NOL4: variants seen among roughly 807,000 people sequenced by gnomAD.
NOL4 encodes cancer/testis antigen 125.
A neutral mutation model predicts 75.9 loss-of-function variants in NOL4; 17 were observed. The observed-to-expected ratio is 0.22, with a 90% CI of 0.15 to 0.34. The LOEUF (loss-of-function observed/expected upper bound fraction) is 0.34. NOL4 is among the 10% of genes least tolerant of loss of function. The pLI is 1.00. For missense variants in NOL4, 614 were observed against 793.5 expected (o/e 0.77, Z 2.72); for synonymous variants, 292 against 289.9 (o/e 1.01, Z -0.07).
chr18:33,881,212 T>C (rs2064249197), intron 10 of NOL4, among the ~76,000 whole-genome samples: 1 of 150,696 alleles, frequency 6.6e-6, no homozygotes, highest in Non-Finnish European at 1.5e-5. Context: ...TGTACATTGA[T>C]TTTGTATCCT....
chr18:34,179,352 G>A (rs1293753954), intron 1 of NOL4, among the ~76,000 whole-genome samples: 1 of 151,130 alleles, frequency 6.6e-6, no homozygotes, highest in Non-Finnish European at 1.5e-5. Context: ...GGAAATAATA[G>A]TGATTATAGT....
At chr18:33,879,343 T>A (rs796577607) in intron 10 of NOL4, among the ~76,000 whole-genome samples, 2 of 152,122 alleles carry the variant, frequency 1.3e-5, no homozygotes, top group African/African-American at 4.8e-5. Flanking sequence ...ATAAGTACTT[T>A]TCACTACCTG....
chr18:33,930,846 T>C (rs951185670), intron 9 of NOL4, among the ~76,000 whole-genome samples: 5 of 152,058 alleles, frequency 3.3e-5, no homozygotes, highest in African/African-American at 1.2e-4. Context: ...AATAGTTGAA[T>C]GAAAAATAAA....
At chr18:33,896,180 T>A (rs767782765) in intron 9 of NOL4, among the ~76,000 whole-genome samples, 2 of 152,174 alleles carry the variant, frequency 1.3e-5, no homozygotes, top group Non-Finnish European at 2.9e-5. Context: ...AAACTTCTCA[T>A]GCTCATGAAT....
rs759045149 is a variant in NOL4 at position 34,105,125 on chromosome 18, C to T, written c.450G>A (p.Ala150=). Residue 150 remains alanine (A), a synonymous_variant, in exon 3 of 11, where the codon GCG becomes GCA. Transcript: ENST00000261592. ...SESYAFLPRE[A]VTRFLMSCSE... is the part of the protein sequence containing the mutation. ...AGCAGCTCATTAGAAATCGTGTCAC[C>T]GCTTCTCTTGGTAGGAAGGCATAGC... 2.5e-5 allele frequency: 40 copies of T among 1,611,980 alleles called. No homozygotes were observed. The highest frequency in any genetic ancestry group is 1.3e-4 in the East Asian group (6 of 44,812).
intron 5 of NOL4, among the ~76,000 whole-genome samples, chr18:34,080,687 C>T (rs1377232780): frequency 6.6e-6 from 1 of 152,040 alleles, no homozygotes; most frequent in South Asian, 2.1e-4. Context: ...CCCAGGCTGG[C>T]CACAAACATC....
At chr18:34,005,202 A>G (rs887484624) in intron 6 of NOL4, among the ~76,000 whole-genome samples, 10 of 151,976 alleles carry the variant, frequency 6.6e-5, no homozygotes, top group Non-Finnish European at 1.3e-4. Flanking sequence ...CAGTGCTTTG[A>G]GATTTGTCCT....
chr18:34,164,452 C>G (rs1280108734), intron 1 of NOL4, among the ~76,000 whole-genome samples: 1 of 152,162 alleles, frequency 6.6e-6, no homozygotes, highest in Non-Finnish European at 1.5e-5. Context: ...AGACACTTCT[C>G]AAAAGAAGAC....
chr18:33,864,900 C>G (rs534874143), intron 10 of NOL4, among the ~76,000 whole-genome samples: 1 of 152,264 alleles, frequency 6.6e-6, no homozygotes, highest in South Asian at 2.1e-4. Flanking sequence ...GAGGAACTGT[C>G]AAACACTAAC....
At chr18:33,905,146 G>A (rs751974764) in intron 9 of NOL4, among the ~76,000 whole-genome samples, 59 of 152,296 alleles carry the variant, frequency 3.9e-4, no homozygotes, top group Non-Finnish European at 7.3e-4. Context: ...TATTTTAAGA[G>A]ATTTAGCAAT....
In NOL4 at chr18:33,853,809, C is replaced by T. The variant is rs149064019; in HGVS notation, c.1724-774G>A. On this transcript the variant is annotated intron_variant, in intron 10 of 10. Transcript: ENST00000261592. ...ATTTGCACAAAACACATTCATGTGC[C>T]GAAACCTTTTTTTCTTACATATTTA... Among the ~76,000 whole-genome samples, 302 of 151,976 alleles carry T rather than the reference C, an allele frequency of 2.0e-3. 2 individuals are homozygous for T. Among genetic ancestry groups the T allele is most frequent in the African/African-American group, 6.8e-3 (281 of 41,476 alleles).
chr18:34,143,796 T>C (rs958806183), intron 1 of NOL4, among the ~76,000 whole-genome samples: 9 of 136,712 alleles, frequency 6.6e-5, no homozygotes, highest in Non-Finnish European at 1.1e-4. Context: ...ACCTAGGGAG[T>C]GGAGGTTGCA....
Position 34,130,053 on chromosome 18 carries a change from A to T in NOL4, c.265-33T>A, listed in dbSNP as rs111973166. On this transcript the variant is annotated intron_variant, in intron 1 of 10. Coordinates refer to ENST00000261592, the MANE Select transcript of NOL4 (RefSeq NM_003787.5). Reference sequence around the variant, plus strand: ...CAAAACAACAACAACAAAAACCCATAAGATTAATAAACTAATTTGCATTTA... The same window carrying T: ...CAAAACAACAACAACAAAAACCCATTAGATTAATAAACTAATTTGCATTTA... The T allele has an allele frequency of 1.6e-4, 234 of 1,484,340 alleles. 3 individuals carry two copies. The African/African-American group carries it at 2.7e-3, about 17-fold the overall frequency. 91.9% of individuals were successfully genotyped at this position (1,484,340 alleles called of 1,614,324 possible).
intron 1 of NOL4, among the ~76,000 whole-genome samples, chr18:34,207,824 G>C (rs1324935983): frequency 6.6e-6 from 1 of 152,010 alleles, no homozygotes; most frequent in Non-Finnish European, 1.5e-5. Context: ...GGGAACTTCT[G>C]TTTTCTGTTC....
intron 1 of NOL4, among the ~76,000 whole-genome samples, chr18:34,130,292 A>G (rs934121952): frequency 6.6e-6 from 1 of 151,996 alleles, no homozygotes; most frequent in Non-Finnish European, 1.5e-5. Context: ...ATAATGACTT[A>G]TTTGTTGCCA....
At chr18:34,151,560 G>T (rs1216397263) in intron 1 of NOL4, among the ~76,000 whole-genome samples, 1 of 151,650 alleles carries the variant, frequency 6.6e-6, no homozygotes, top group Non-Finnish European at 1.5e-5. Flanking sequence ...GGAAGGGGGG[G>T]ATTAATAGAC....
chr18:33,899,782 G>A (rs2065640395), intron 9 of NOL4, among the ~76,000 whole-genome samples: 1 of 152,090 alleles, frequency 6.6e-6, no homozygotes, highest in South Asian at 2.1e-4. Context: ...GTTGGAGAGG[G>A]GGAATAGTGT....
At chr18:34,089,313 G>T (rs1027641120) in intron 5 of NOL4, among the ~76,000 whole-genome samples, 1 of 151,892 alleles carries the variant, frequency 6.6e-6, no homozygotes, top group African/African-American at 2.4e-5. Flanking sequence ...GTATTGTTTA[G>T]ATTTTCAAAA....
At chr18:33,864,777 G>A (rs535679992) in intron 10 of NOL4, among the ~76,000 whole-genome samples, 2 of 152,296 alleles carry the variant, frequency 1.3e-5, no homozygotes, top group South Asian at 4.1e-4. Context: ...AAGGAAAGAG[G>A]TTTAACTGAG....
Sources: gnomAD v4.1 joint callset for allele counts (sites outside exome capture counted in the v4.1 genomes callset) on GRCh38, gnomAD v4.1.1 for gene constraint, MANE v1.5 for transcripts, NCBI Gene and HGNC (gene_info 2026-07-23, HGNC 2026-07-21) for gene names.